The following CNTN1 variants were observed in gnomAD, a reference collection of about 807,000 sequenced individuals.
CNTN1 encodes contactin 1.
In CNTN1, 38 loss-of-function variants were observed where a neutral mutation model predicts 126.4. The ratio of observed to expected loss-of-function variants is 0.30; its 90% CI spans 0.23 to 0.39. CNTN1 has a LOEUF of 0.39. Ranked by LOEUF, CNTN1 falls within the 10% of genes least tolerant of loss-of-function variation. CNTN1 has a pLI of 1.00. For missense variants in CNTN1, 1,009 were observed against 1,248.4 expected (o/e 0.81, Z 2.89); for synonymous variants, 413 against 422.6 (o/e 0.98, Z 0.28).
intron 1 of CNTN1, among the ~76,000 whole-genome samples, chr12:40,830,962 T>TACAC (rs1297195037): frequency 0.011 from 1,391 of 128,700 alleles, 24 homozygotes; most frequent in South Asian, 0.027. Context: ...TATATATATA[T>TACAC]ACACACACAC....
chr12:41,036,270 G>C (rs1949260266), intron 23 of CNTN1, among the ~76,000 whole-genome samples: 1 of 152,108 alleles, frequency 6.6e-6, no homozygotes, highest in Non-Finnish European at 1.5e-5. Flanking sequence ...AGGAGAGTCT[G>C]GAGGGAATGT....
At chr12:40,694,053 A>G (rs911520675) in intron 1 of CNTN1, among the ~76,000 whole-genome samples, 4 of 152,162 alleles carry the variant, frequency 2.6e-5, no homozygotes, top group African/African-American at 9.7e-5. Flanking sequence ...TGTAACGCAA[A>G]TCAAATTAAT....
At chr12:40,841,461 C>T (rs1436209255) in intron 1 of CNTN1, among the ~76,000 whole-genome samples, 2 of 152,020 alleles carry the variant, frequency 1.3e-5, no homozygotes, top group Non-Finnish European at 2.9e-5. Context: ...ACACCAAAAC[C>T]AGACAAGAAC....
At chr12:41,058,320 A>T (rs35636053) in intron 23 of CNTN1, among the ~76,000 whole-genome samples, 5,327 of 152,228 alleles carry the variant, frequency 0.035, 121 homozygotes, top group Middle Eastern at 0.11. Context: ...AAGATAAATG[A>T]GTATAATAAG....
intron 23 of CNTN1, among the ~76,000 whole-genome samples, chr12:41,054,893 C>T (rs1361499131): frequency 1.3e-5 from 2 of 152,072 alleles, no homozygotes; most frequent in African/African-American, 4.8e-5. Context: ...GGTCAATGAA[C>T]AGTATGTCAT....
intron 1 of CNTN1, among the ~76,000 whole-genome samples, chr12:40,801,669 G>A (rs570669365): frequency 1.7e-4 from 26 of 151,854 alleles, no homozygotes; most frequent in Non-Finnish European, 3.1e-4. Flanking sequence ...GGTGAAGGAG[G>A]GGGAAAGAGA....
At chr12:40,997,627 G>GAATT (rs1470974901) in intron 17 of CNTN1, among the ~76,000 whole-genome samples, 1 of 152,130 alleles carries the variant, frequency 6.6e-6, no homozygotes, top group African/African-American at 2.4e-5. Context: ...CTGAAGACCT[G>GAATT]AATTAAAGAT....
intron 17 of CNTN1, among the ~76,000 whole-genome samples, chr12:41,012,909 G>A (rs1948696475): frequency 6.6e-6 from 1 of 152,104 alleles, no homozygotes; most frequent in Non-Finnish European, 1.5e-5. Flanking sequence ...TATACCCTGG[G>A]ATTCATCATC....
chr12:40,719,598 A>G (rs1035084230), intron 1 of CNTN1, among the ~76,000 whole-genome samples: 31 of 152,352 alleles, frequency 2.0e-4, no homozygotes, highest in African/African-American at 7.2e-4. Flanking sequence ...TGTAATTGTG[A>G]AACTTAAATT....
intron 11 of CNTN1, among the ~76,000 whole-genome samples, chr12:40,937,899 CA>C (rs1240503399): frequency 6.6e-6 from 1 of 152,116 alleles, no homozygotes; most frequent in Non-Finnish European, 1.5e-5. Flanking sequence ...AAGTCTTCTT[CA>C]GAGCATCAGC....
At chr12:41,029,971 A>C (rs1324878155) in intron 23 of CNTN1, among the ~76,000 whole-genome samples, 1 of 151,914 alleles carries the variant, frequency 6.6e-6, no homozygotes, top group African/African-American at 2.4e-5. Flanking sequence ...TATATGCATG[A>C]TATAGTTTAA....
intron 2 of CNTN1, 48 bp from the exon 3 acceptor site, chr12:40,910,025 T>C: frequency 7.0e-7 from 1 of 1,423,712 alleles, no homozygotes; most frequent in Non-Finnish European, 9.9e-7. Context: ...GAAACCACAA[T>C]TCAAATAATT....
intron 1 of CNTN1, chr12:40,896,110 G>A (rs934033681): frequency 6.6e-6 from 1 of 152,026 alleles, no homozygotes; most frequent in Non-Finnish European, 1.5e-5. Flanking sequence ...ATGTTCATAG[G>A]TGCTTTTCTT....
At chr12:40,858,810 A>G (rs1307065373) in intron 1 of CNTN1, among the ~76,000 whole-genome samples, 4 of 152,166 alleles carry the variant, frequency 2.6e-5, no homozygotes, top group South Asian at 2.1e-4. Flanking sequence ...AGAAGGAACA[A>G]GATCATGTCC....
rs1941570897 is a variant in CNTN1, at chr12:40,825,172, G to T, written c.-76-83185G>T. Among the ~76,000 whole-genome samples, 4 of 152,022 alleles carry T rather than the reference G, an allele frequency of 2.6e-5. No homozygotes were observed. In the South Asian group the frequency reaches 8.3e-4, roughly 32 times the overall value. The stretch of plus-strand genomic sequence containing the variant: ...TATGTTAGAGAGTGTCTATGATATT[G>T]GTAGGACACAGAGAGAAAAGTAGAA... On this transcript the variant is annotated intron_variant, in intron 1 of 23. Transcript: ENST00000551295.
chr12:41,005,009 G>A (rs1948455605), intron 17 of CNTN1: 1 of 152,098 alleles, frequency 6.6e-6, no homozygotes. Context: ...TTGTTTATGT[G>A]GTTGCTTTAT....
intron 23 of CNTN1, among the ~76,000 whole-genome samples, chr12:41,037,987 A>G (rs895135157): frequency 1.3e-5 from 2 of 152,024 alleles, no homozygotes; most frequent in African/African-American, 4.8e-5. Flanking sequence ...GTGAAACCCC[A>G]TCTCTACTAA....
Position 41,071,246 on chromosome 12 carries a change from G to A in CNTN1, c.*1211G>A, listed in dbSNP as rs940287858. 6.6e-6 allele frequency: 1 copy of A among 152,106 alleles called. No individual in the cohort carries two copies. The highest frequency in any genetic ancestry group is 1.9e-4 in the East Asian group (1 of 5,196). 9.4% of individuals were successfully genotyped at this position (152,106 alleles called of 1,614,324 possible). A position where few individuals can be genotyped will look rare whatever the true frequency, so the allele number is the denominator to read the frequency against. On this transcript the variant is annotated 3_prime_UTR_variant, in exon 24 of 24. Transcript: ENST00000551295. ...GCAAATAATATGTCTTTCCGATGGTGTCTCCCAAGTGTTGGTGCTTTGGGT... is the reference window on the plus strand; with the variant it reads ...GCAAATAATATGTCTTTCCGATGGTATCTCCCAAGTGTTGGTGCTTTGGGT...
At chr12:40,943,874 G>A (rs1946345899) in intron 13 of CNTN1, 121 bp from the exon 14 acceptor site, 2 of 1,373,790 alleles carry the variant, frequency 1.5e-6, no homozygotes. Context: ...CTTGGAATTT[G>A]GAAGTGAAAA....
Sources: gnomAD v4.1 joint callset for allele counts (sites outside exome capture counted in the v4.1 genomes callset) on GRCh38, gnomAD v4.1.1 for gene constraint, MANE v1.5 for transcripts, NCBI Gene and HGNC (gene_info 2026-07-23, HGNC 2026-07-21) for gene names.